RIMS2: variants seen among roughly 807,000 people sequenced by gnomAD.
RIMS2 encodes regulating synaptic membrane exocytosis protein 2.
Under a neutral mutation model 174.4 loss-of-function variants are expected in RIMS2, and 59 were observed. The observed-to-expected ratio is 0.34, with a 90% CI of 0.27 to 0.42. The LOEUF (loss-of-function observed/expected upper bound fraction) is 0.42, where lower values mean the gene tolerates loss of function less well. Ranked by LOEUF, RIMS2 falls within the 10% of genes least tolerant of loss-of-function variation. The pLI is 1.00. For missense variants in RIMS2, 1,620 were observed against 1,666.3 expected (o/e 0.97, Z 0.48); for synonymous variants, 606 against 572.5 (o/e 1.06, Z -0.84).
chr8:103,898,579 G>T (rs1057214501), intron 4 of RIMS2, among the ~76,000 whole-genome samples: 3 of 151,422 alleles, frequency 2.0e-5, no homozygotes, highest in African/African-American at 7.3e-5. Flanking sequence ...TTAGAGGGCA[G>T]ACTGTTGAAT....
At chr8:103,773,290 A>G (rs2098273736) in intron 3 of RIMS2, among the ~76,000 whole-genome samples, 1 of 152,246 alleles carries the variant, frequency 6.6e-6, no homozygotes, top group South Asian at 2.1e-4. Context: ...ATTGCTTAAA[A>G]AGATATATAA....
chr8:103,890,838 A>T (rs1344764844), intron 4 of RIMS2, among the ~76,000 whole-genome samples: 1 of 144,708 alleles, frequency 6.9e-6, no homozygotes, highest in African/African-American at 2.4e-5. Flanking sequence ...TGGATTTGTA[A>T]TTTGATCTAT....
intron 1 of RIMS2, among the ~76,000 whole-genome samples, chr8:103,635,618 C>T (rs971178843): frequency 1.3e-5 from 2 of 152,332 alleles, no homozygotes; most frequent in African/African-American, 4.8e-5. Flanking sequence ...GAGGTACTGA[C>T]CCCTTATTGT....
chr8:103,890,319 A>C (rs2099236080), intron 4 of RIMS2, among the ~76,000 whole-genome samples: 1 of 152,022 alleles, frequency 6.6e-6, no homozygotes, highest in African/African-American at 2.4e-5. Context: ...TCAGTGTCTC[A>C]CTGAATACTG....
rs948896798 is a variant in RIMS2 at position 103,673,583 on chromosome 8, G to A, written c.177-23503G>A. ...ATCTGGGCCTCTTTGAGCCCCAGCTGTAGCTGTAGCTAGAGCAGCCAGCAT... is the reference window on the plus strand; with the variant it reads ...ATCTGGGCCTCTTTGAGCCCCAGCTATAGCTGTAGCTAGAGCAGCCAGCAT... On this transcript the variant is annotated intron_variant, in intron 1 of 23. Coordinates refer to ENST00000504942, the Ensembl canonical transcript of RIMS2. 3.3e-5 allele frequency among the ~76,000 whole-genome samples: 5 copies of A among 152,214 alleles called. 1 individual carries two copies. Among genetic ancestry groups the A allele is most frequent in the Non-Finnish European group, 5.9e-5 (4 of 68,032 alleles).
intron 1 of RIMS2, among the ~76,000 whole-genome samples, chr8:103,602,702 C>A (rs2094820719): frequency 6.6e-6 from 1 of 152,126 alleles, no homozygotes; most frequent in Non-Finnish European, 1.5e-5. Flanking sequence ...TACAGTGTAT[C>A]ATTGATGCAC....
rs77635212 is a variant in RIMS2, at chr8:104,192,475, GTTTC to G, written c.3335-52437_3335-52434del. Reference sequence around the variant, plus strand: ...TATTTCTTGTTATTTGAGCAGTAGTGTTTCTTTATCATTGTGATACAATAAGCTG... The same window carrying G: ...TATTTCTTGTTATTTGAGCAGTAGTGTTTATCATTGTGATACAATAAGCTG... On this transcript the variant is annotated intron_variant, in intron 19 of 23. Coordinates refer to ENST00000504942, the Ensembl canonical transcript of RIMS2. 6.0e-3 allele frequency among the ~76,000 whole-genome samples: 913 copies of G among 151,948 alleles called. 11 individuals carry two copies. The highest frequency in any genetic ancestry group is 8.0e-3 in the Non-Finnish European group (542 of 67,950).
At chr8:103,799,978 A>G (rs1174819559) in intron 3 of RIMS2, among the ~76,000 whole-genome samples, 1 of 152,046 alleles carries the variant, frequency 6.6e-6, no homozygotes, top group African/African-American at 2.4e-5. Context: ...TACCTTTCTC[A>G]TGTATATTTT....
rs567073717 is a variant in RIMS2 at position 103,997,302 on chromosome 8, G to A, written c.3044+7881G>A. Among the ~76,000 whole-genome samples the A allele has an allele frequency of 2.8e-3, 425 of 151,852 alleles. 1 individual carries two copies. The highest frequency in any genetic ancestry group is 5.0e-3 in the Non-Finnish European group (336 of 67,708). On this transcript the variant is annotated intron_variant, in intron 17 of 23. Transcript: ENST00000504942. Reference sequence around the variant, plus strand: ...TGAAGCAAGGTCATATGGGAAGCAGGATTACAAGTAGAGGCATCTCTTTTG... The same window carrying A: ...TGAAGCAAGGTCATATGGGAAGCAGAATTACAAGTAGAGGCATCTCTTTTG...
chr8:103,885,813 A>T lies in RIMS2; in HGVS notation c.1214A>T (p.Glu405Val), dbSNP rs201468621. 1.9e-5 allele frequency: 31 copies of T among 1,613,010 alleles called. No homozygotes were observed. The African/African-American group carries it at 4.0e-4, about 21-fold the overall frequency. The change falls in exon 4 of 24, where the codon GAA (glutamate) becomes GTA (valine). Residue 405 changes from glutamate (E) to valine (V), a missense_variant. By Grantham distance (121) the Glu-to-Val change is moderately radical. Coordinates refer to ENST00000504942, the Ensembl canonical transcript of RIMS2. ...ATATCAGAACGTAGAGCTGCCATGGAAAATCAGCGATCTTATTCAATGGAA... is the reference window on the plus strand; with the variant it reads ...ATATCAGAACGTAGAGCTGCCATGGTAAATCAGCGATCTTATTCAATGGAA...
rs994069625 is a variant in RIMS2 at position 103,975,581 on chromosome 8, G to A, written c.2927+75G>A. ...TTCTCCAGAGGGACAAAACTAATAG[G>A]ATATATGTATATACGAAAGGGAGTT... is the stretch of plus-strand genomic sequence containing the variant. On this transcript the variant is annotated intron_variant, in intron 16 of 23. Coordinates refer to ENST00000504942, the Ensembl canonical transcript of RIMS2. 5 of 991,844 alleles carry A rather than the reference G, an allele frequency of 5.0e-6. No homozygotes were observed. In the East Asian group the frequency reaches 7.3e-5, roughly 15 times the overall value. The allele number at this position is 991,844 out of a possible 1,614,324, so 61.4% of individuals were successfully genotyped here. A position where few individuals can be genotyped will look rare whatever the true frequency, so the allele number is the denominator to read the frequency against.
chr8:103,869,193 CTTTTTTTT>C (rs758281100), intron 3 of RIMS2, among the ~76,000 whole-genome samples: 1 of 131,204 alleles, frequency 7.6e-6, no homozygotes, highest in East Asian at 2.2e-4. Context: ...ACCAGGAACA[CTTTTTTTT>C]TTTTTTTTTT....
intron 19 of RIMS2, among the ~76,000 whole-genome samples, chr8:104,130,043 C>A (rs1338051404): frequency 6.6e-6 from 1 of 152,130 alleles, no homozygotes; most frequent in Non-Finnish European, 1.5e-5. Context: ...TAGGAGTTTT[C>A]ATTCAAATAG....
intron 19 of RIMS2, among the ~76,000 whole-genome samples, chr8:104,167,616 C>G (rs150259690): frequency 6.6e-6 from 1 of 152,100 alleles, no homozygotes; most frequent in African/African-American, 2.4e-5. Flanking sequence ...TTCTCCCATT[C>G]TGTGGGTTGT....
intron 10 of RIMS2, among the ~76,000 whole-genome samples, chr8:103,925,750 C>A (rs10097620): frequency 2.6e-5 from 4 of 151,412 alleles, no homozygotes; most frequent in Admixed American, 6.6e-5. Flanking sequence ...TAATGGACAG[C>A]GAGATGGAAA....
intron 19 of RIMS2, among the ~76,000 whole-genome samples, chr8:104,225,190 A>G (rs2099178832): frequency 1.3e-5 from 2 of 152,186 alleles, no homozygotes; most frequent in African/African-American, 4.8e-5. Context: ...AACCTTATGA[A>G]GCAGTACTTT....
chr8:103,662,379 A>G (rs975967883), intron 1 of RIMS2, among the ~76,000 whole-genome samples: 3 of 152,244 alleles, frequency 2.0e-5, no homozygotes, highest in African/African-American at 7.2e-5. Context: ...ACAAATTGTA[A>G]AAAATGTAAA....
intron 19 of RIMS2, among the ~76,000 whole-genome samples, chr8:104,097,184 T>C (rs148646270): frequency 3.6e-4 from 55 of 152,322 alleles, no homozygotes; most frequent in African/African-American, 1.3e-3. Context: ...TTCGGATTTT[T>C]TTCAGATTTT....
At chr8:103,832,000 A>C (rs990474867) in intron 3 of RIMS2, among the ~76,000 whole-genome samples, 5 of 152,226 alleles carry the variant, frequency 3.3e-5, no homozygotes, top group African/African-American at 9.6e-5. Context: ...TCACTAGGAT[A>C]GCTCAGCACC....
Sources: gnomAD v4.1 joint callset for allele counts (sites outside exome capture counted in the v4.1 genomes callset) on GRCh38, gnomAD v4.1.1 for gene constraint, MANE v1.5 for transcripts, NCBI Gene and HGNC (gene_info 2026-07-23, HGNC 2026-07-21) for gene names.